Variants in SC5D observed in about 807,000 individuals in gnomAD.
SC5D encodes sterol-C5-desaturase, also known as lathosterol oxidase.
Under a neutral mutation model 23.9 loss-of-function variants are expected in SC5D, and 21 were observed. That is an observed-to-expected ratio of 0.88 (90% CI 0.62 to 1.26). SC5D has a LOEUF of 1.26. Ranked by LOEUF, SC5D falls within the 50% of genes most tolerant of loss-of-function variation. The pLI is 0.00. For synonymous variants in SC5D, 113 were observed against 125.9 expected (o/e 0.90, Z 0.68); for missense variants, 309 against 364.8 (o/e 0.85, Z 1.25).
chr11:121,307,226 C>T lies in SC5D; in HGVS notation c.614C>T (p.Thr205Ile), dbSNP rs775033618. The T allele has an allele frequency of 3.7e-6, 6 of 1,614,082 alleles. No homozygotes were observed. Among genetic ancestry groups the T allele is most frequent in the Non-Finnish European group, 4.2e-6 (5 of 1,180,038 alleles). The change falls in exon 5 of 5, where the codon ACA (threonine) becomes ATA (isoleucine). Residue 205 changes from threonine to isoleucine, a missense_variant. Coordinates refer to ENST00000264027, the MANE Select transcript of SC5D (RefSeq NM_006918.5). ...LSLYILVNIWTISIHDGDFRV... is the reference protein window; with the variant it reads ...LSLYILVNIWIISIHDGDFRV... ...CTGTACATCTTGGTTAATATCTGGA[C>T]AATTTCCATTCATGACGGTGATTTT...
chr11:121,298,497 T>G (rs942741802), intron 1 of SC5D, among the ~76,000 whole-genome samples: 5 of 152,224 alleles, frequency 3.3e-5, no homozygotes, highest in African/African-American at 9.7e-5. Context: ...CAATGAGGTT[T>G]GAAAATGAAC....
At chr11:121,293,330 T>C (rs1344368574) in intron 1 of SC5D, among the ~76,000 whole-genome samples, 1 of 152,206 alleles carries the variant, frequency 6.6e-6, no homozygotes, top group African/African-American at 2.4e-5. Context: ...ACACGAATGC[T>C]TTACTTTTCC....
At chr11:121,306,989 T>C in intron 4 of SC5D, 68 bp from the exon 5 acceptor site, 1 of 1,291,986 alleles carries the variant, frequency 7.7e-7, no homozygotes, top group Non-Finnish European at 1.1e-6. Context: ...AACATGAGTG[T>C]GAGAAGCTAA....
At chr11:121,293,820 C>A (rs1375152681) in intron 1 of SC5D, among the ~76,000 whole-genome samples, 1 of 152,188 alleles carries the variant, frequency 6.6e-6, no homozygotes, top group Admixed American at 6.5e-5. Context: ...TACTCAGAAT[C>A]CCTCATCTGC....
At chr11:121,292,968 C>T (rs1049831389) in intron 1 of SC5D, 152 bp downstream of exon 1, 8 of 152,384 alleles carry the variant, frequency 5.2e-5, no homozygotes, top group African/African-American at 1.9e-4. Context: ...CTTTTCTCCG[C>T]GCCGCGGTTG....
intron 2 of SC5D, chr11:121,304,120 C>G: frequency 2.3e-6 from 1 of 440,516 alleles, no homozygotes; most frequent in African/African-American, 2.0e-5. Flanking sequence ...GTTTAGAATG[C>G]AGATTTTGGA....
intron 4 of SC5D, 184 bp downstream of exon 4, chr11:121,306,670 T>G (rs762623937): frequency 1.5e-6 from 1 of 685,652 alleles, no homozygotes; most frequent in Non-Finnish European, 2.7e-6. Context: ...GGGGCTGTCT[T>G]AAAATTCGTC....
intron 3 of SC5D, 69 bp downstream of exon 3, chr11:121,304,562 G>C: frequency 7.3e-7 from 1 of 1,370,380 alleles, no homozygotes. Flanking sequence ...AAAAAAACAA[G>C]TCTGCCCTTT....
At position 121,310,548 on chromosome 11, in the gene SC5D, C is replaced by G. The variant is rs1010051793; in HGVS notation, c.*3036C>G. ...TCTTGGTTCACTGCAAGCTCCACCT[C>G]CCGGGTTCACGCCATTCTCCTGCCT... On this transcript the variant is annotated 3_prime_UTR_variant, in exon 5 of 5. Coordinates refer to ENST00000264027, the MANE Select transcript of SC5D (RefSeq NM_006918.5). Among the ~76,000 whole-genome samples, 1 of 151,410 alleles carries G rather than the reference C, an allele frequency of 6.6e-6. No homozygotes were observed. The highest frequency in any genetic ancestry group is 2.4e-5 in the African/African-American group (1 of 41,112).
rs761799544 is a variant in SC5D, at chr11:121,304,502, A to G, written c.343+9A>G. ...AGGAGAGTTTCCATATGGTAAGTAA[A>G]TAACACGAGTGTCAGGAAGAGAGTA... On this transcript the variant is annotated intron_variant, in intron 3 of 4. Transcript: ENST00000264027. 3.2e-5 allele frequency: 52 copies of G among 1,612,974 alleles called. 1 individual carries two copies. Among genetic ancestry groups the G allele is most frequent in the Non-Finnish European group, 5.9e-6 (7 of 1,179,210 alleles).
intron 1 of SC5D, among the ~76,000 whole-genome samples, chr11:121,301,972 T>C (rs1947929370): frequency 6.6e-6 from 1 of 152,062 alleles, no homozygotes; most frequent in African/African-American, 2.4e-5. Context: ...CTAATAGATA[T>C]GGTCACCCAG....
chr11:121,306,438 G>GT lies in SC5D; in HGVS notation c.398dup (p.Ile134HisfsTer11). On this transcript the variant is annotated frameshift_variant, in exon 4 of 5. Coordinates refer to ENST00000264027, the MANE Select transcript of SC5D (RefSeq NM_006918.5). LOFTEE classifies it high-confidence loss of function. ...TATCTTTCCTCTTTTTCACTGACAT[G>GT]TTCATCTACTGGATTCACAGAGGCC... 6.3e-7 allele frequency: 1 copy of GT among 1,590,012 alleles called. No individual in the cohort carries two copies. Among genetic ancestry groups the GT allele is most frequent in the Non-Finnish European group, 8.6e-7 (1 of 1,158,084 alleles).
In SC5D at chr11:121,307,494, G is replaced by C. The variant is rs776041178; in HGVS notation, c.882G>C (p.Glu294Asp). 1.2e-6 allele frequency: 2 copies of C among 1,601,618 alleles called. No homozygotes were observed. Among genetic ancestry groups the C allele is most frequent in the South Asian group, 2.2e-5 (2 of 89,208 alleles). ...AGAATGAAAAATTATTCAATGGAGA[G>C]TTTACAAAGACTGAATAGATTATTG... ...GCKNEKLFNG[E>D]FTKTE Residue 294 changes from glutamate to aspartate, a missense_variant, in exon 5 of 5, where the codon GAG (glutamate) becomes GAC (aspartate). Transcript: ENST00000264027.
rs1050525356 is a variant in SC5D, at chr11:121,302,651, T to C, written c.-10-715T>C. 2.2e-4 allele frequency among the ~76,000 whole-genome samples: 33 copies of C among 152,178 alleles called. 1 individual carries two copies. The highest frequency in any genetic ancestry group is 7.7e-4 in the African/African-American group (32 of 41,428). Reference sequence around the variant, plus strand: ...GTAGCAGAAAAGCAGCCACAGACAGTATGTAAACATCTGGGTGTCGCTGTG... The same window carrying C: ...GTAGCAGAAAAGCAGCCACAGACAGCATGTAAACATCTGGGTGTCGCTGTG... On this transcript the variant is annotated intron_variant, in intron 1 of 4. Coordinates refer to ENST00000264027, the MANE Select transcript of SC5D (RefSeq NM_006918.5).
In SC5D at chr11:121,313,213, C is replaced by T. The variant is rs1948024908; in HGVS notation, c.*5701C>T. ...TATAAATTAAATCAGATAGTATATA[C>T]TCTTGTGTTTAGTTTCTTTAGCTTA... On this transcript the variant is annotated 3_prime_UTR_variant, in exon 5 of 5. Transcript: ENST00000264027. Among the ~76,000 whole-genome samples, 1 of 152,108 alleles carries T rather than the reference C, an allele frequency of 6.6e-6. No individual in the cohort carries two copies. Among genetic ancestry groups the T allele is most frequent in the Non-Finnish European group, 1.5e-5 (1 of 68,014 alleles).
At position 121,309,435 on chromosome 11, in the gene SC5D, C is replaced by T. The variant is rs1947992779; in HGVS notation, c.*1923C>T. Among the ~76,000 whole-genome samples, 1 of 152,044 alleles carries T rather than the reference C, an allele frequency of 6.6e-6. No individual in the cohort carries two copies. The highest frequency in any genetic ancestry group is 2.1e-4 in the South Asian group (1 of 4,806). Reference sequence around the variant, plus strand: ...TGTGTGCCTGGGAGGAAGGGGGCACCATTTTCTTGAGCAGCTAGACAGTTT... The same window carrying T: ...TGTGTGCCTGGGAGGAAGGGGGCACTATTTTCTTGAGCAGCTAGACAGTTT... On this transcript the variant is annotated 3_prime_UTR_variant, in exon 5 of 5. Coordinates refer to ENST00000264027, the MANE Select transcript of SC5D (RefSeq NM_006918.5).
Position 121,307,558 on chromosome 11 carries a change from A to C in SC5D, c.*46A>C. ...AAGTAAGGACAAAGAAGGAAATATC[A>C]TCGTATTTCTTTTTTTTAATAAGGA... On this transcript the variant is annotated 3_prime_UTR_variant, in exon 5 of 5. Coordinates refer to ENST00000264027, the MANE Select transcript of SC5D (RefSeq NM_006918.5). 1.5e-4 allele frequency: 192 copies of C among 1,299,250 alleles called. No individual in the cohort carries two copies. Among genetic ancestry groups the C allele is most frequent in the Non-Finnish European group, 2.0e-4 (184 of 932,912 alleles). 80.5% of individuals were successfully genotyped at this position (1,299,250 alleles called of 1,614,324 possible). A position where few individuals can be genotyped will look rare whatever the true frequency, so the allele number is the denominator to read the frequency against.
intron 3 of SC5D, 23 bp downstream of exon 3, chr11:121,304,516 A>C: frequency 6.2e-7 from 1 of 1,610,438 alleles, no homozygotes; most frequent in Non-Finnish European, 8.5e-7. Context: ...CACGAGTGTC[A>C]GGAAGAGAGT....
In SC5D at chr11:121,308,270, G is replaced by C. The variant is rs1388987692; in HGVS notation, c.*758G>C. On this transcript the variant is annotated 3_prime_UTR_variant, in exon 5 of 5. Coordinates refer to ENST00000264027, the MANE Select transcript of SC5D (RefSeq NM_006918.5). ...ATTATTTAAAACCATTATTTAATAA[G>C]AGTAAAAATATGTGAATCTGGATAT... 30 of 152,244 alleles carry C rather than the reference G, an allele frequency of 2.0e-4. No homozygotes were observed. The highest frequency in any genetic ancestry group is 2.1e-4 in the Non-Finnish European group (14 of 68,018). 9.4% of individuals were successfully genotyped at this position (152,244 alleles called of 1,614,324 possible). A position where few individuals can be genotyped will look rare whatever the true frequency, so the allele number is the denominator to read the frequency against.
Sources: gnomAD v4.1 joint callset for allele counts (sites outside exome capture counted in the v4.1 genomes callset) on GRCh38, gnomAD v4.1.1 for gene constraint, MANE v1.5 for transcripts, NCBI Gene and HGNC (gene_info 2026-07-23, HGNC 2026-07-21) for gene names.